The following RP1 variants were observed in gnomAD, a reference collection of about 807,000 sequenced individuals.
RP1 encodes the protein oxygen-regulated protein 1.
Under a neutral mutation model 14.8 loss-of-function variants are expected in RP1, and 16 were observed. The observed-to-expected ratio is 1.08, with a 90% CI of 0.73 to 1.65. The LOEUF (loss-of-function observed/expected upper bound fraction) is 1.65, where lower values mean the gene tolerates loss of function less well. Ranked by LOEUF, RP1 falls within the 40% of genes most tolerant of loss-of-function variation. The pLI is 0.00. For synonymous variants in RP1, 876 were observed against 883.6 expected (o/e 0.99, Z 0.15); for missense variants, 2,631 against 2,535.0 (o/e 1.04, Z -0.81).
At chr8:54,678,632 C>T in intron 9 of RP1, 1 of 963,434 alleles carries the variant, frequency 1.0e-6, no homozygotes. Context: ...TGTTCCTAGT[C>T]ACTGAGTCTT....
intron 1 of RP1, among the ~76,000 whole-genome samples, chr8:54,568,680 A>G (rs972980209): frequency 1.4e-4 from 22 of 152,354 alleles, no homozygotes; most frequent in African/African-American, 5.1e-4. Context: ...GGTGTGAGAC[A>G]CATGCTTTCA....
chr8:54,608,450 CCTGA>C (rs1805513368), intron 1 of RP1, among the ~76,000 whole-genome samples: 1 of 152,076 alleles, frequency 6.6e-6, no homozygotes, highest in African/African-American at 2.4e-5. Context: ...GTTATTTGTG[CCTGA>C]CTAACCAAAT....
At chr8:54,610,112 G>A (rs1207420628) in intron 1 of RP1, among the ~76,000 whole-genome samples, 1 of 152,256 alleles carries the variant, frequency 6.6e-6, no homozygotes, top group African/African-American at 2.4e-5. Context: ...CACCAAAAAA[G>A]GTCTTGAGGT....
chr8:54,761,756 G>A (rs1411575695), intron 22 of RP1, among the ~76,000 whole-genome samples: 5 of 152,080 alleles, frequency 3.3e-5, no homozygotes, highest in Admixed American at 6.6e-5. Context: ...AAATGGTACC[G>A]AGTGCTCATT....
At chr8:54,790,281 A>G (rs1255086499) in intron 24 of RP1, among the ~76,000 whole-genome samples, 1 of 152,098 alleles carries the variant, frequency 6.6e-6, no homozygotes, top group Non-Finnish European at 1.5e-5. Context: ...AGCATAACCT[A>G]CCTGTGAATG....
chr8:54,711,164 T>G (rs889234437), intron 15 of RP1, among the ~76,000 whole-genome samples: 1 of 152,156 alleles, frequency 6.6e-6, no homozygotes, highest in African/African-American at 2.4e-5. Flanking sequence ...TGTTACTATG[T>G]TTTTTTAATA....
intron 22 of RP1, among the ~76,000 whole-genome samples, chr8:54,762,952 C>A (rs976446649): frequency 2.0e-5 from 3 of 152,124 alleles, no homozygotes; most frequent in Admixed American, 6.6e-5. Flanking sequence ...AGGACACTGT[C>A]GTCATTGGAC....
intron 27 of RP1, among the ~76,000 whole-genome samples, chr8:54,864,809 A>G (rs1368467082): frequency 6.6e-6 from 1 of 152,222 alleles, no homozygotes; most frequent in Non-Finnish European, 1.5e-5. Context: ...TCCCTTACTC[A>G]AGATCAGAAG....
exon 25 of RP1, chr8:54,837,536 A>G: frequency 8.1e-7 from 1 of 1,231,778 alleles, no homozygotes; most frequent in Non-Finnish European, 1.0e-6. Flanking sequence ...ATCTGGAAGA[A>G]GTTAGACTTG....
chr8:54,860,039 C>CA (rs1178653478), intron 27 of RP1, among the ~76,000 whole-genome samples: 1 of 152,134 alleles, frequency 6.6e-6, no homozygotes, highest in Admixed American at 6.5e-5. Context: ...AACATCAGGG[C>CA]AATCACTATT....
chr8:54,739,409 T>C (rs1435115847), intron 19 of RP1, among the ~76,000 whole-genome samples: 1 of 152,140 alleles, frequency 6.6e-6, no homozygotes, highest in East Asian at 1.9e-4. Context: ...CTGTGGTAAG[T>C]TGAGGACCAT....
chr8:54,605,656 A>T (rs573351417), intron 1 of RP1, among the ~76,000 whole-genome samples: 3 of 152,158 alleles, frequency 2.0e-5, no homozygotes, highest in Admixed American at 2.0e-4. Flanking sequence ...GTCTCCCATT[A>T]TTATTGTGTG....
chr8:54,740,403 TAAAAAAAA>T (rs34753388), intron 19 of RP1, among the ~76,000 whole-genome samples: 1 of 80,244 alleles, frequency 1.2e-5, no homozygotes, highest in South Asian at 4.7e-4. Context: ...GCTTAAAAAG[TAAAAAAAA>T]AAAAAAAAAA....
chr8:54,675,417 T>C (rs911588299), intron 8 of RP1, among the ~76,000 whole-genome samples: 2 of 152,136 alleles, frequency 1.3e-5, no homozygotes, highest in Non-Finnish European at 1.5e-5. Context: ...GAAGATAGGA[T>C]AGGATTTTAT....
intron 16 of RP1, among the ~76,000 whole-genome samples, chr8:54,724,392 C>A (rs973341038): frequency 6.6e-6 from 1 of 152,092 alleles, no homozygotes; most frequent in African/African-American, 2.4e-5. Flanking sequence ...CCTTTATAGT[C>A]TGGTAGATCT....
At chr8:54,846,156 A>G (rs568186918) in intron 25 of RP1, among the ~76,000 whole-genome samples, 1 of 152,352 alleles carries the variant, frequency 6.6e-6, no homozygotes, top group South Asian at 2.1e-4. Flanking sequence ...TTACAATGGA[A>G]TCCAGATTAA....
exon 26 of RP1, chr8:54,852,698 A>T: frequency 8.1e-7 from 1 of 1,232,088 alleles, no homozygotes; most frequent in Non-Finnish European, 1.0e-6. Flanking sequence ...ATCAGTCCAA[A>T]AACAATGAAA....
upstream of RP1, among the ~76,000 whole-genome samples, chr8:54,611,495 T>C (rs1212152672): frequency 6.6e-6 from 1 of 152,186 alleles, no homozygotes; most frequent in Non-Finnish European, 1.5e-5. Context: ...CTTGTGAATT[T>C]TTCATGTCCA....
intron 18 of RP1, among the ~76,000 whole-genome samples, chr8:54,736,472 T>A (rs1031323660): frequency 6.6e-6 from 1 of 152,134 alleles, no homozygotes; most frequent in African/African-American, 2.4e-5. Context: ...GTAATAATAC[T>A]CACTTAAAAG....
Sources: allele counts gnomAD v4.1 joint callset (sites outside exome capture counted in the v4.1 genomes callset), GRCh38; gene constraint gnomAD v4.1.1; transcripts MANE v1.5; gene names NCBI Gene and HGNC (gene_info 2026-07-23, HGNC 2026-07-21).